The following CSMD1 variants were observed in gnomAD, a reference collection of about 807,000 sequenced individuals.
CSMD1 encodes the protein CUB and sushi domain-containing protein 1.
In CSMD1, 213 loss-of-function variants were observed where a neutral mutation model predicts 417.5. The observed-to-expected ratio is 0.51, with a 90% confidence interval of 0.46 to 0.57. CSMD1 has a LOEUF of 0.57. CSMD1 is among the 20% of genes least tolerant of loss of function. CSMD1 has a pLI of 0.00. For missense variants in CSMD1, 6,923 were observed against 4,529.7 expected (o/e 1.53, Z -15.17); for synonymous variants, 2,862 against 1,736.8 (o/e 1.65, Z -16.11).
chr8:3,337,081 C>T (rs1807313515), intron 23 of CSMD1, among the ~76,000 whole-genome samples: 1 of 152,040 alleles, frequency 6.6e-6, no homozygotes, highest in South Asian at 2.1e-4. Context: ...TGTCCCCCTG[C>T]CTCAAAAGCA....
rs140655954 is a variant in CSMD1 at position 4,337,301 on chromosome 8, G to A, written c.415+82652C>T. Among the ~76,000 whole-genome samples the A allele has an allele frequency of 1.5e-3, 233 of 152,092 alleles. 1 individual carries two copies. Among genetic ancestry groups the A allele is most frequent in the African/African-American group, 5.4e-3 (224 of 41,524 alleles). ...TAATTTCTGCTTGACATTTTTCTCT[G>A]CCATGAAGATCAAAATTTCTCCCAG... On this transcript the variant is annotated intron_variant, in intron 3 of 69. Transcript: ENST00000635120.
chr8:3,592,800 G>C (rs747243364), intron 8 of CSMD1, among the ~76,000 whole-genome samples: 1 of 152,108 alleles, frequency 6.6e-6, no homozygotes, highest in Non-Finnish European at 1.5e-5. Context: ...AAAAGTTACA[G>C]ACTTCCAAAT....
At chr8:3,624,121 T>C (rs1240280393) in intron 7 of CSMD1, among the ~76,000 whole-genome samples, 2 of 152,194 alleles carry the variant, frequency 1.3e-5, no homozygotes, top group East Asian at 1.9e-4. Context: ...GTTGCCTTCC[T>C]TTCATAAAAT....
At chr8:2,993,336 G>C (rs973510126) in intron 54 of CSMD1, among the ~76,000 whole-genome samples, 1 of 152,150 alleles carries the variant, frequency 6.6e-6, no homozygotes, top group Non-Finnish European at 1.5e-5. Context: ...TGAAGGTAAG[G>C]TTATATTTTC....
intron 3 of CSMD1, among the ~76,000 whole-genome samples, chr8:4,190,330 G>C (rs1279012604): frequency 1.3e-5 from 2 of 150,228 alleles, no homozygotes; most frequent in African/African-American, 4.9e-5. Context: ...TATCACTGAA[G>C]TTAGGGGCCA....
chr8:4,715,055 G>A (rs1014174947), intron 1 of CSMD1, among the ~76,000 whole-genome samples: 2 of 152,028 alleles, frequency 1.3e-5, no homozygotes, highest in African/African-American at 4.8e-5. Context: ...TTCAGGGTCT[G>A]TTATTTAAGT....
At position 3,681,710 on chromosome 8, in the gene CSMD1, C is replaced by CA. The variant is rs570430818; in HGVS notation, c.1009+26703dup. Among the ~76,000 whole-genome samples the CA allele has an allele frequency of 6.6e-5, 10 of 152,102 alleles. No individual in the cohort carries two copies. The South Asian group carries it at 2.1e-3, about 32-fold the overall frequency. ...AACTACTTTAAAGTTCATGTGGAAC[C>CA]AAAAAAGAGCCCGCATTGCCAAGTC... is the stretch of plus-strand genomic sequence containing the variant. On this transcript the variant is annotated intron_variant, in intron 7 of 69. Coordinates refer to ENST00000635120, the MANE Select transcript of CSMD1 (RefSeq NM_033225.6).
chr8:3,764,149 C>T lies in CSMD1; in HGVS notation c.819-10107G>A, dbSNP rs935538005. On this transcript the variant is annotated intron_variant, in intron 5 of 69. Transcript: ENST00000635120. ...CAGGGCTCAGGGAGTGCACAGCACT[C>T]TCTCACTCCAGGGACCCCTCCTCCA... 4.6e-5 allele frequency among the ~76,000 whole-genome samples: 7 copies of T among 152,166 alleles called. 1 individual carries two copies. The highest frequency in any genetic ancestry group is 1.7e-4 in the African/African-American group (7 of 41,450).
chr8:3,855,392 A>G (rs1049817322), intron 5 of CSMD1, among the ~76,000 whole-genome samples: 1 of 152,172 alleles, frequency 6.6e-6, no homozygotes, highest in Non-Finnish European at 1.5e-5. Flanking sequence ...GAACAAAATA[A>G]AAACAACAAA....
At chr8:3,655,814 A>G (rs1378254943) in intron 7 of CSMD1, among the ~76,000 whole-genome samples, 3 of 152,168 alleles carry the variant, frequency 2.0e-5, no homozygotes, top group South Asian at 2.1e-4. Flanking sequence ...AAGTCTTCCA[A>G]TATTTTCAGG....
chr8:3,411,763 T>C (rs1178515778), intron 12 of CSMD1, among the ~76,000 whole-genome samples: 1 of 125,664 alleles, frequency 8.0e-6, no homozygotes, highest in African/African-American at 2.9e-5. Context: ...TATATACGTG[T>C]ATATACGTGT....
intron 5 of CSMD1, among the ~76,000 whole-genome samples, chr8:3,934,208 A>G (rs542364033): frequency 6.6e-6 from 1 of 152,290 alleles, no homozygotes; most frequent in Non-Finnish European, 1.5e-5. Context: ...ATTTCATTAC[A>G]CTCCTACCTA....
intron 1 of CSMD1, among the ~76,000 whole-genome samples, chr8:4,990,386 G>A (rs1013937543): frequency 2.7e-5 from 4 of 149,390 alleles, no homozygotes; most frequent in South Asian, 4.2e-4. Context: ...TTTTTGAGAT[G>A]GAGCTTAGCT....
intron 12 of CSMD1, among the ~76,000 whole-genome samples, chr8:3,421,315 G>A (rs1173716332): frequency 1.3e-5 from 2 of 152,172 alleles, no homozygotes; most frequent in African/African-American, 4.8e-5. Flanking sequence ...GATATAGGAC[G>A]AGAAGGACTG....
intron 3 of CSMD1, among the ~76,000 whole-genome samples, chr8:4,283,230 C>T (rs1796888035): frequency 6.6e-6 from 1 of 151,962 alleles, no homozygotes; most frequent in Admixed American, 6.6e-5. Flanking sequence ...TTAAAGTATC[C>T]ACTATCCTTT....
chr8:3,871,427 G>C (rs976853176), intron 5 of CSMD1, among the ~76,000 whole-genome samples: 1 of 151,818 alleles, frequency 6.6e-6, no homozygotes, highest in African/African-American at 2.4e-5. Flanking sequence ...CCTTTAACAT[G>C]CATCATTTAA....
intron 1 of CSMD1, among the ~76,000 whole-genome samples, chr8:4,864,897 A>AAC (rs759168576): frequency 0.044 from 2,234 of 50,462 alleles, 64 homozygotes; most frequent in African/African-American, 0.096. Flanking sequence ...CACACACACA[A>AAC]ACACACACAC....
At chr8:4,794,935 G>A (rs1797892627) in intron 1 of CSMD1, among the ~76,000 whole-genome samples, 1 of 151,914 alleles carries the variant, frequency 6.6e-6, no homozygotes, top group African/African-American at 2.4e-5. Flanking sequence ...CGCTGGGAAG[G>A]GAGTCCTACT....
chr8:4,390,483 A>G (rs1803768291), intron 3 of CSMD1, among the ~76,000 whole-genome samples: 1 of 64,972 alleles, frequency 1.5e-5, no homozygotes, highest in African/African-American at 7.5e-5. Flanking sequence ...ACTGTTACCC[A>G]CAGAAGCGTC....
Sources: gnomAD v4.1 joint callset for allele counts (sites outside exome capture counted in the v4.1 genomes callset) on GRCh38, gnomAD v4.1.1 for gene constraint, MANE v1.5 for transcripts, NCBI Gene and HGNC (gene_info 2026-07-23, HGNC 2026-07-21) for gene names.